RANBP17: variants seen among roughly 807,000 people sequenced by gnomAD.
RANBP17 encodes the protein RAN binding protein 17.
In RANBP17, 158 loss-of-function variants were observed where a neutral mutation model predicts 141.2. That is an observed-to-expected ratio of 1.12 (90% CI 0.98 to 1.28). The LOEUF (loss-of-function observed/expected upper bound fraction) is 1.28, where lower values mean the gene tolerates loss of function less well. Ranked by LOEUF, RANBP17 falls within the 50% of genes most tolerant of loss-of-function variation. The probability of loss-of-function intolerance (pLI) is 0.00; values close to 1 mark genes in which losing one functional copy is unlikely to be tolerated. For missense variants in RANBP17, 1,438 were observed against 1,290.7 expected, an observed-to-expected ratio of 1.11 and a Z score of -1.75; for synonymous variants, 430 against 450.0, an observed-to-expected ratio of 0.96 and a Z score of 0.56.
intron 7 of RANBP17, among the ~76,000 whole-genome samples, chr5:170,913,417 GTC>G (rs1463961696): frequency 6.6e-6 from 1 of 152,018 alleles, no homozygotes; most frequent in Non-Finnish European, 1.5e-5. Flanking sequence ...CATTGTGCCA[GTC>G]TCTCAGAGCA....
chr5:171,101,850 T>C (rs777388773), intron 14 of RANBP17, among the ~76,000 whole-genome samples: 2 of 152,234 alleles, frequency 1.3e-5, no homozygotes, highest in Non-Finnish European at 2.9e-5. Flanking sequence ...CCTTTACTTA[T>C]GAAGCTTAGT....
chr5:170,889,856 T>C (rs377552786), intron 3 of RANBP17, among the ~76,000 whole-genome samples: 3 of 152,162 alleles, frequency 2.0e-5, no homozygotes, highest in African/African-American at 7.2e-5. Flanking sequence ...AGGAGGAGAT[T>C]GCTGATGTTT....
chr5:171,229,969 G>A (rs978782588), intron 22 of RANBP17, among the ~76,000 whole-genome samples: 2 of 151,756 alleles, frequency 1.3e-5, no homozygotes, highest in African/African-American at 2.4e-5. Flanking sequence ...GGAGGCTGAG[G>A]CAGGAGAATC....
intron 16 of RANBP17, among the ~76,000 whole-genome samples, chr5:171,175,262 G>A (rs142230402): frequency 4.6e-5 from 7 of 152,254 alleles, no homozygotes; most frequent in East Asian, 3.9e-4. Flanking sequence ...GTAAACATAC[G>A]TGTGCATGTG....
At chr5:170,964,331 A>G (rs1382650617) in intron 13 of RANBP17, among the ~76,000 whole-genome samples, 1 of 152,190 alleles carries the variant, frequency 6.6e-6, no homozygotes, top group Non-Finnish European at 1.5e-5. Context: ...AGTGTCCATC[A>G]ATAGGGGAAT....
intron 3 of RANBP17, among the ~76,000 whole-genome samples, chr5:170,883,558 A>G (rs777054260): frequency 5.3e-5 from 8 of 152,216 alleles, no homozygotes; most frequent in Non-Finnish European, 1.0e-4. Context: ...AGTATTATAC[A>G]GAATAGTTTT....
chr5:170,988,686 T>G (rs1338857954), intron 14 of RANBP17, among the ~76,000 whole-genome samples: 1 of 151,684 alleles, frequency 6.6e-6, no homozygotes, highest in Non-Finnish European at 1.5e-5. Context: ...TAATTAAAAT[T>G]TTATGTCTAC....
intron 3 of RANBP17, among the ~76,000 whole-genome samples, chr5:170,883,561 A>G (rs958245824): frequency 3.2e-4 from 48 of 152,336 alleles, no homozygotes; most frequent in African/African-American, 1.1e-3. Context: ...ATTATACAGA[A>G]TAGTTTTACT....
At chr5:171,201,143 T>A (rs887329762) in intron 19 of RANBP17, among the ~76,000 whole-genome samples, 1 of 152,236 alleles carries the variant, frequency 6.6e-6, no homozygotes, top group Non-Finnish European at 1.5e-5. Flanking sequence ...CCATCTAGTT[T>A]GATAGAAACC....
At chr5:171,221,566 A>G (rs1007496020) in intron 21 of RANBP17, among the ~76,000 whole-genome samples, 192 bp from the exon 22 acceptor site, 2 of 152,188 alleles carry the variant, frequency 1.3e-5, no homozygotes, top group African/African-American at 4.8e-5. Context: ...AATTCTTCTT[A>G]ATTGTCCTAC....
chr5:170,934,745 C>T (rs569900114), intron 12 of RANBP17, among the ~76,000 whole-genome samples: 11 of 152,236 alleles, frequency 7.2e-5, no homozygotes, highest in African/African-American at 2.4e-4. Flanking sequence ...ACATTTTTTC[C>T]TTCATTTCAA....
At chr5:171,168,392 T>C (rs1330123697) in intron 14 of RANBP17, among the ~76,000 whole-genome samples, 1 of 152,214 alleles carries the variant, frequency 6.6e-6, no homozygotes, top group Non-Finnish European at 1.5e-5. Context: ...TTATTGTGGC[T>C]TGAGGTTGAG....
chr5:170,864,150 G>A (rs1241136999), intron 1 of RANBP17, among the ~76,000 whole-genome samples: 4 of 152,136 alleles, frequency 2.6e-5, no homozygotes, highest in African/African-American at 9.7e-5. Context: ...AAACAGTTGT[G>A]ACTTGCCCAA....
At chr5:171,197,344 A>G (rs1388412849) in intron 18 of RANBP17, among the ~76,000 whole-genome samples, 2 of 152,188 alleles carry the variant, frequency 1.3e-5, no homozygotes, top group African/African-American at 2.4e-5. Context: ...GTATTATAAC[A>G]TTTAATCTTC....
intron 14 of RANBP17, among the ~76,000 whole-genome samples, chr5:171,154,158 A>G (rs1227099896): frequency 7.2e-6 from 1 of 139,656 alleles, no homozygotes; most frequent in Non-Finnish European, 1.5e-5. Context: ...TGAATATTCC[A>G]TCTTTTCTAA....
In RANBP17 at chr5:171,074,027, A is replaced by G. The variant is rs371613491; in HGVS notation, c.1711-96103A>G. Among the ~76,000 whole-genome samples, 62 of 152,266 alleles carry G rather than the reference A, an allele frequency of 4.1e-4. 1 individual carries two copies. The South Asian group carries it at 0.012, about 31-fold the overall frequency. The stretch of plus-strand genomic sequence containing the variant: ...TAAATACTATCCCCTTCTGGAGGTG[A>G]GCTTTTCTCTCTCCTTGTGGACTGG... On this transcript the variant is annotated intron_variant, in intron 14 of 27. Transcript: ENST00000523189.
In RANBP17 at chr5:171,171,056, AAGAAT is replaced by A. The variant is rs1196139060; in HGVS notation, c.1785-146_1785-142del. 6.5e-5 allele frequency: 34 copies of A among 522,384 alleles called. 1 individual carries two copies. In the Admixed American group the frequency reaches 1.1e-3, roughly 18 times the overall value. 32.4% of individuals were successfully genotyped at this position (522,384 alleles called of 1,614,324 possible). On this transcript the variant is annotated intron_variant, in intron 15 of 27. Coordinates refer to ENST00000523189, the MANE Select transcript of RANBP17 (RefSeq NM_022897.5). The stretch of plus-strand genomic sequence containing the variant: ...CATATAATTTTGAATATGCTATTGA[AAGAAT>A]AGACAATGTTTTTGAGCCTGTTTTT...
At chr5:171,112,970 C>G (rs1755352671) in intron 14 of RANBP17, among the ~76,000 whole-genome samples, 2 of 152,262 alleles carry the variant, frequency 1.3e-5, no homozygotes, top group South Asian at 4.1e-4. Context: ...AGAGTCTTGG[C>G]TTCCCCTTTA....
chr5:171,104,998 A>C (rs1754684906), intron 14 of RANBP17, among the ~76,000 whole-genome samples: 1 of 152,174 alleles, frequency 6.6e-6, no homozygotes, highest in Non-Finnish European at 1.5e-5. Context: ...CCTTTATTAC[A>C]TATTGTACGT....
Sources: allele counts gnomAD v4.1 joint callset (sites outside exome capture counted in the v4.1 genomes callset), GRCh38; gene constraint gnomAD v4.1.1; transcripts MANE v1.5; gene names NCBI Gene and HGNC (gene_info 2026-07-23, HGNC 2026-07-21).